SIRPD: variants seen among roughly 807,000 people sequenced by gnomAD.
The protein encoded by SIRPD is signal regulatory protein delta.
In SIRPD, 21 loss-of-function variants were observed where a neutral mutation model predicts 18.0. That is an observed-to-expected ratio of 1.17 (90% confidence interval 0.83 to 1.68). The LOEUF (loss-of-function observed/expected upper bound fraction) is 1.68. Among genes scored for constraint, SIRPD ranks in the 40% most tolerant of loss-of-function variants. SIRPD has a pLI of 0.00. For missense variants in SIRPD, 295 were observed against 238.4 expected, an observed-to-expected ratio of 1.24 and a Z score of -1.56; for synonymous variants, 106 against 92.9, an observed-to-expected ratio of 1.14 and a Z score of -0.81.
chr20:1,536,025 G>A (rs926633706), intron 3 of SIRPD, among the ~76,000 whole-genome samples: 1 of 152,182 alleles, frequency 6.6e-6, no homozygotes, highest in Non-Finnish European at 1.5e-5. Flanking sequence ...CTTCTACCAA[G>A]CCTGATGGAC....
intron 2 of SIRPD, among the ~76,000 whole-genome samples, chr20:1,538,176 TC>T (rs2090955701): frequency 6.6e-6 from 1 of 152,054 alleles, no homozygotes; most frequent in Admixed American, 6.6e-5. Flanking sequence ...TCCCCACTGC[TC>T]CCCACCCCTG....
intron 2 of SIRPD, among the ~76,000 whole-genome samples, chr20:1,551,197 A>G (rs1764399972): frequency 6.6e-6 from 1 of 152,218 alleles, no homozygotes; most frequent in Non-Finnish European, 1.5e-5. Context: ...CTTGTTACAT[A>G]TCTGCATTCA....
intron 3 of SIRPD, among the ~76,000 whole-genome samples, chr20:1,536,118 G>A (rs1051588510): frequency 6.6e-6 from 1 of 152,158 alleles, no homozygotes; most frequent in African/African-American, 2.4e-5. Context: ...TGCAATGGCC[G>A]GATGCAGCAG....
chr20:1,537,240 A>T lies in SIRPD; in HGVS notation c.492T>A (p.His164Gln), dbSNP rs773244453. 1.9e-5 allele frequency: 31 copies of T among 1,613,970 alleles called. No homozygotes were observed. The highest frequency in any genetic ancestry group is 3.3e-5 in the Admixed American group (2 of 60,004). ...RAGSRAHHDA[H>Q]TCLSALPERN... Reference sequence around the variant, plus strand: ...TCTCAGGCAGGGCCGAGAGGCAGGTATGGGCATCATGGTGGGCCCTGGAGC... The same window carrying T: ...TCTCAGGCAGGGCCGAGAGGCAGGTTTGGGCATCATGGTGGGCCCTGGAGC... Residue 164 changes from histidine (H) to glutamine (Q), a missense_variant, in exon 3 of 4, where the codon CAT becomes CAA. Coordinates refer to ENST00000381623, the MANE Select transcript of SIRPD (RefSeq NM_178460.3).
chr20:1,556,996 T>C (rs1396520814), intron 1 of SIRPD, among the ~76,000 whole-genome samples: 1 of 152,196 alleles, frequency 6.6e-6, no homozygotes, highest in African/African-American at 2.4e-5. Flanking sequence ...CTCACGCCTA[T>C]AATGCGAGCA....
In SIRPD at chr20:1,552,058, C is replaced by A; in HGVS notation, c.74-20G>T. On this transcript the variant is annotated intron_variant, in intron 1 of 3. Transcript: ENST00000381623. ...TGACTCCTGGAAAAAAGCTGAAAAT[C>A]ATTTCTCATTTCCCCTGTTCTGGCT... is the stretch of plus-strand genomic sequence containing the variant. The A allele has an allele frequency of 1.3e-6, 2 of 1,596,074 alleles. No homozygotes were observed. The highest frequency in any genetic ancestry group is 1.7e-6 in the Non-Finnish European group (2 of 1,166,612).
intron 2 of SIRPD, among the ~76,000 whole-genome samples, chr20:1,539,829 C>A (rs80106327): frequency 6.6e-6 from 1 of 152,118 alleles, no homozygotes; most frequent in East Asian, 1.9e-4. Flanking sequence ...GCCAGTTGCC[C>A]GCAAGGATCT....
chr20:1,551,701 C>T lies in SIRPD; in HGVS notation c.411G>A (p.Val137=), dbSNP rs368421899. Residue 137 remains valine (V), a synonymous_variant, in exon 2 of 4, where the codon GTG becomes GTA. Coordinates refer to ENST00000381623, the MANE Select transcript of SIRPD (RefSeq NM_178460.3). Reference sequence around the variant, plus strand: ...AGGAGACATACTCACCAGTAACAAACACCTGAGTGCCCCGACCTGATTGGT... The same window carrying T: ...AGGAGACATACTCACCAGTAACAAATACCTGAGTGCCCCGACCTGATTGGT... ...KEYQSGRGTQ[V]FVTEQNPRPP... 6 of 1,611,932 alleles carry T rather than the reference C, an allele frequency of 3.7e-6. No individual in the cohort carries two copies. The highest frequency in any genetic ancestry group is 5.1e-6 in the Non-Finnish European group (6 of 1,178,572).
intron 1 of SIRPD, among the ~76,000 whole-genome samples, chr20:1,554,809 A>T (rs1448366824): frequency 2.6e-5 from 4 of 152,208 alleles, no homozygotes; most frequent in Non-Finnish European, 5.9e-5. Context: ...ATTCTCAATG[A>T]AGTTGCTATT....
At position 1,537,129 on chromosome 20, in the gene SIRPD, T is replaced by G. The variant is rs747270395; in HGVS notation, c.577+26A>C. The G allele has an allele frequency of 5.0e-6, 8 of 1,609,212 alleles. No individual in the cohort carries two copies. The Admixed American group carries it at 1.2e-4, about 24-fold the overall frequency. On this transcript the variant is annotated intron_variant, in intron 3 of 3. Transcript: ENST00000381623. ...AACTCAGGAGAGCATCCCTGCATCA[T>G]GGTACCTGAGGGTGGGGGCACTCAC...
chr20:1,547,974 T>A (rs982424141), intron 2 of SIRPD, among the ~76,000 whole-genome samples: 2 of 152,326 alleles, frequency 1.3e-5, no homozygotes, highest in Admixed American at 6.5e-5. Flanking sequence ...GTTTGAATAG[T>A]TTTTTAGTGG....
At chr20:1,539,157 G>T (rs1275441585) in intron 2 of SIRPD, among the ~76,000 whole-genome samples, 4 of 152,136 alleles carry the variant, frequency 2.6e-5, no homozygotes, top group Non-Finnish European at 5.9e-5. Context: ...GTAACTACAT[G>T]CCTCAAGTTT....
At chr20:1,541,987 C>T (rs2090973528) in intron 2 of SIRPD, among the ~76,000 whole-genome samples, 3 of 152,068 alleles carry the variant, frequency 2.0e-5, no homozygotes, top group Admixed American at 1.3e-4. Flanking sequence ...AGTTCTGTTC[C>T]ATTGGTCTAT....
intron 1 of SIRPD, among the ~76,000 whole-genome samples, chr20:1,555,277 C>T (rs770847046): frequency 2.0e-5 from 3 of 152,030 alleles, no homozygotes; most frequent in Non-Finnish European, 2.9e-5. Context: ...TATGTGGAAT[C>T]CAAAAAAGTC....
rs761139189 is a variant in SIRPD, at chr20:1,551,880, A to C, written c.232T>G (p.Phe78Val). The C allele has an allele frequency of 1.8e-5, 29 of 1,614,074 alleles. No homozygotes were observed. The South Asian group carries it at 2.1e-4, about 12-fold the overall frequency. Residue 78 changes from phenylalanine (F) to valine (V), a missense_variant, in exon 2 of 4, where the codon TTC (phenylalanine) becomes GTC (valine). Physicochemically the swap from Phe to Val is conservative, Grantham distance 50. Transcript: ENST00000381623. ...TGPNRKLIYNFKQGNFPRVKE... is the reference protein window; with the variant it reads ...TGPNRKLIYNVKQGNFPRVKE... ...ACTCTGGGAAAGTTACCTTGTTTGA[A>C]ATTGTAGATTAATTTCCGGTTTGGC...
intron 2 of SIRPD, among the ~76,000 whole-genome samples, chr20:1,545,719 C>CT (rs2090990640): frequency 6.6e-6 from 1 of 152,120 alleles, no homozygotes; most frequent in African/African-American, 2.4e-5. Context: ...GAGTTTTCAG[C>CT]TTTTTTGCGC....
At chr20:1,548,866 C>T (rs995838800) in intron 2 of SIRPD, among the ~76,000 whole-genome samples, 1 of 152,054 alleles carries the variant, frequency 6.6e-6, no homozygotes, top group Non-Finnish European at 1.5e-5. Context: ...TCCGGTCCAG[C>T]TGACTAAATA....
chr20:1,552,176 G>A (rs2091022597), intron 1 of SIRPD, 138 bp from the exon 2 acceptor site: 2 of 683,720 alleles, frequency 2.9e-6, no homozygotes, highest in African/African-American at 3.6e-5. Context: ...AGAGGCCTTT[G>A]CACATGGAGG....
At chr20:1,556,708 A>G (rs561834481) in intron 1 of SIRPD, among the ~76,000 whole-genome samples, 1 of 152,206 alleles carries the variant, frequency 6.6e-6, no homozygotes, top group African/African-American at 2.4e-5. Context: ...GGGTGGTGCC[A>G]CCTGCCATCC....
Sources: allele counts gnomAD v4.1 joint callset (sites outside exome capture counted in the v4.1 genomes callset), GRCh38; gene constraint gnomAD v4.1.1; transcripts MANE v1.5; gene names NCBI Gene and HGNC (gene_info 2026-07-23, HGNC 2026-07-21).